Variants in PIEZO2 observed in about 807,000 individuals in gnomAD.
PIEZO2 encodes the protein piezo type mechanosensitive ion channel component 2.
A neutral mutation model predicts 337.3 loss-of-function variants in PIEZO2; 172 were observed. That is an observed-to-expected ratio of 0.51 (90% confidence interval 0.45 to 0.58). The LOEUF (loss-of-function observed/expected upper bound fraction) is 0.58, where lower values mean the gene tolerates loss of function less well. Ranked by LOEUF, PIEZO2 falls within the 20% of genes least tolerant of loss-of-function variation. PIEZO2 has a pLI of 0.00. For missense variants in PIEZO2, 3,028 were observed against 3,391.3 expected (o/e 0.89, Z 2.66); for synonymous variants, 1,251 against 1,228.5 (o/e 1.02, Z -0.38).
chr18:11,079,708 C>A (rs1598926934), intron 1 of PIEZO2, among the ~76,000 whole-genome samples: 1 of 152,176 alleles, frequency 6.6e-6, no homozygotes, highest in South Asian at 2.1e-4. Flanking sequence ...CAACAGTAAA[C>A]CACAAATTCA....
At chr18:11,090,275 AAG>A (rs918913555) in intron 1 of PIEZO2, among the ~76,000 whole-genome samples, 7 of 151,996 alleles carry the variant, frequency 4.6e-5, no homozygotes, top group Admixed American at 1.3e-4. Context: ...AAAGAAATAA[AAG>A]AGAGAGAGAG....
rs137962944 is a variant in PIEZO2 at position 10,979,197 on chromosome 18, C to A, written c.286+338G>T. ...CTATTCATCATGTTAGAAATTGTAC[C>A]TTTTTTTTTTTTTACTCGCTGTAAT... On this transcript the variant is annotated intron_variant, in intron 3 of 55. Coordinates refer to ENST00000674853, the MANE Select transcript of PIEZO2 (RefSeq NM_001378183.1). This position sits in a 1 kb window ranked among gnomAD's most constrained non-coding sequence, Gnocchi z 4.0. Among the ~76,000 whole-genome samples the A allele has an allele frequency of 9.1e-4, 130 of 142,964 alleles. No individual in the cohort carries two copies. Among genetic ancestry groups the A allele is most frequent in the African/African-American group, 3.2e-3 (125 of 39,524 alleles). The allele number at this position is 142,964 out of a possible 152,430, so 93.8% of individuals were successfully genotyped here.
At position 10,815,205 on chromosome 18, in the gene PIEZO2, T is replaced by C. The variant is rs970738996; in HGVS notation, c.918-7931A>G. On this transcript the variant is annotated intron_variant, in intron 7 of 55. Transcript: ENST00000674853. The surrounding 1 kb of genome is among the most constrained non-coding windows in gnomAD (Gnocchi z 4.1). The stretch of plus-strand genomic sequence containing the variant: ...AAACAATGAAAATTCAAGTGGCACA[T>C]ATTCTACTTAGTATTTTAAAGCACA... Among the ~76,000 whole-genome samples, 15 of 152,334 alleles carry C rather than the reference T, an allele frequency of 9.8e-5. No individual in the cohort carries two copies. The East Asian group carries it at 2.1e-3, about 22-fold the overall frequency.
chr18:11,121,610 T>A (rs556728238), intron 1 of PIEZO2, among the ~76,000 whole-genome samples: 1 of 152,304 alleles, frequency 6.6e-6, no homozygotes, highest in Admixed American at 6.5e-5. Flanking sequence ...TTCTCACATA[T>A]CTGAGGAATT....
rs1362549999 is a variant in PIEZO2, at chr18:10,942,894, G to A, written c.287-31666C>T. 5.9e-5 allele frequency among the ~76,000 whole-genome samples: 9 copies of A among 152,170 alleles called. No homozygotes were observed. Among genetic ancestry groups the A allele is most frequent in the Admixed American group, 3.9e-4 (6 of 15,284 alleles). ...GCAGCCTAGGGAATTGGTGCCCTGC[G>A]TCCCAGTCACTCCAGCCATGGCTGA... is the stretch of plus-strand genomic sequence containing the variant. On this transcript the variant is annotated intron_variant, in intron 3 of 55. Transcript: ENST00000674853. This position sits in a 1 kb window ranked among gnomAD's most constrained non-coding sequence, Gnocchi z 4.4.
rs2040222785 is a variant in PIEZO2, at chr18:11,127,730, T to C, written c.64+20795A>G. Among the ~76,000 whole-genome samples, 1 of 151,382 alleles carries C rather than the reference T, an allele frequency of 6.6e-6. No individual in the cohort carries two copies. The highest frequency in any genetic ancestry group is 2.1e-4 in the South Asian group (1 of 4,812). On this transcript the variant is annotated intron_variant, in intron 1 of 55. Transcript: ENST00000674853. The surrounding 1 kb of genome is among the most constrained non-coding windows in gnomAD (Gnocchi z 4.5). ...TGTCATGTATATATATACACACATA[T>C]ATATGTATGTGTATATATATGACAT...
At chr18:10,807,349 G>T in intron 7 of PIEZO2, 75 bp from the exon 8 acceptor site, 1 of 1,360,710 alleles carries the variant, frequency 7.3e-7, no homozygotes, top group Non-Finnish European at 9.9e-7. Context: ...AAAGTACTTT[G>T]TTTTTGATAC....
rs912747710 is a variant in PIEZO2, at chr18:10,760,892, T to C, written c.3450+19A>G. ...TTTCATGGAAAAGAGAAATAAAACA[T>C]ATCAGCAAGGAAACTCACCTCCAGA... On this transcript the variant is annotated intron_variant, in intron 24 of 55. Coordinates refer to ENST00000674853, the MANE Select transcript of PIEZO2 (RefSeq NM_001378183.1). The C allele has an allele frequency of 8.0e-6, 12 of 1,502,778 alleles. No individual in the cohort carries two copies. Among genetic ancestry groups the C allele is most frequent in the African/African-American group, 6.9e-5 (5 of 72,074 alleles). The allele number at this position is 1,502,778 out of a possible 1,614,324, so 93.1% of individuals were successfully genotyped here.
At chr18:11,075,536 A>AT (rs1490485632) in intron 1 of PIEZO2, among the ~76,000 whole-genome samples, 4 of 152,190 alleles carry the variant, frequency 2.6e-5, no homozygotes, top group African/African-American at 9.7e-5. Flanking sequence ...AGACAAGAAC[A>AT]TTCTCTTCCT....
At chr18:10,792,955 T>A (rs1057134642) in intron 13 of PIEZO2, among the ~76,000 whole-genome samples, 2 of 152,212 alleles carry the variant, frequency 1.3e-5, no homozygotes, top group Non-Finnish European at 2.9e-5. Context: ...TCTGCCTTTT[T>A]AAAAATTATA....
intron 2 of PIEZO2, among the ~76,000 whole-genome samples, chr18:10,992,544 T>C (rs1279180934): frequency 6.6e-6 from 1 of 152,046 alleles, no homozygotes; most frequent in African/African-American, 2.4e-5. Flanking sequence ...TGGTTGTAGA[T>C]GTGTGTGATT....
intron 27 of PIEZO2, among the ~76,000 whole-genome samples, chr18:10,757,414 T>C (rs1468796209): frequency 2.2e-5 from 3 of 135,078 alleles, no homozygotes; most frequent in Non-Finnish European, 1.6e-5. Context: ...GTGATGAAGA[T>C]GAGGAAGAAG....
At chr18:10,994,282 G>C (rs1397232520) in intron 2 of PIEZO2, among the ~76,000 whole-genome samples, 1 of 152,018 alleles carries the variant, frequency 6.6e-6, no homozygotes. Context: ...ATTGCAAATT[G>C]TGCTGCTATA....
In PIEZO2 at chr18:11,129,792, C is replaced by T. The variant is rs1360612188; in HGVS notation, c.64+18733G>A. 6.6e-6 allele frequency among the ~76,000 whole-genome samples: 1 copy of T among 152,094 alleles called. No homozygotes were observed. Among genetic ancestry groups the T allele is most frequent in the Non-Finnish European group, 1.5e-5 (1 of 68,028 alleles). On this transcript the variant is annotated intron_variant, in intron 1 of 55. Transcript: ENST00000674853. The surrounding 1 kb of genome is among the most constrained non-coding windows in gnomAD (Gnocchi z 4.6). The stretch of plus-strand genomic sequence containing the variant: ...TCTGGCTCTGAGCTGACGTTGGATC[C>T]AGGGGACCCAAAATGTCATCGTGGT...
In PIEZO2 at chr18:10,726,450, G is replaced by A; in HGVS notation, c.5029+4957C>T. On this transcript the variant is annotated intron_variant, in intron 36 of 55. Coordinates refer to ENST00000674853, the MANE Select transcript of PIEZO2 (RefSeq NM_001378183.1). The surrounding 1 kb of genome is among the most constrained non-coding windows in gnomAD (Gnocchi z 5.9). ...CCGGCTGCGGTACGGGCTACGGCCG[G>A]CGAACCCCACGAGGAGGGCCTGGCC... 1 of 1,529,696 alleles carries A rather than the reference G, an allele frequency of 6.5e-7. No individual in the cohort carries two copies. Among genetic ancestry groups the A allele is most frequent in the Non-Finnish European group, 8.7e-7 (1 of 1,144,866 alleles). The allele number at this position is 1,529,696 out of a possible 1,614,324, so 94.8% of individuals were successfully genotyped here. A position where few individuals can be genotyped will look rare whatever the true frequency, so the allele number is the denominator to read the frequency against.
intron 2 of PIEZO2, among the ~76,000 whole-genome samples, chr18:11,051,504 C>T (rs1357338383): frequency 6.6e-6 from 1 of 152,022 alleles, no homozygotes; most frequent in Non-Finnish European, 1.5e-5. Context: ...ATTTGGAGCA[C>T]ATTTCTTCTC....
At chr18:10,755,014 T>C (rs906829143) in intron 27 of PIEZO2, among the ~76,000 whole-genome samples, 3 of 152,170 alleles carry the variant, frequency 2.0e-5, no homozygotes, top group African/African-American at 7.2e-5. Context: ...GAGTAGCAGG[T>C]GGCTGACAGC....
At chr18:11,030,811 G>C (rs1181427420) in intron 2 of PIEZO2, among the ~76,000 whole-genome samples, 1 of 152,072 alleles carries the variant, frequency 6.6e-6, no homozygotes, top group African/African-American at 2.4e-5. Context: ...TAGACAAAAA[G>C]CAAAGTTTAT....
intron 1 of PIEZO2, among the ~76,000 whole-genome samples, chr18:11,095,693 A>G (rs2039241503): frequency 6.6e-6 from 1 of 152,210 alleles, no homozygotes; most frequent in Admixed American, 6.5e-5. Flanking sequence ...GTGGTTTATA[A>G]AAGTTAATAA....
Sources: allele counts gnomAD v4.1 joint callset (sites outside exome capture counted in the v4.1 genomes callset), GRCh38; gene constraint gnomAD v4.1.1; non-coding constraint Gnocchi (gnomAD v3.1); transcripts MANE v1.5; gene names NCBI Gene and HGNC (gene_info 2026-07-23, HGNC 2026-07-21).